The following ASAP1 variants were observed in gnomAD, a reference collection of about 807,000 sequenced individuals.
The protein encoded by ASAP1 is ArfGAP with SH3 domain, ankyrin repeat and PH domain 1.
ASAP1 carries 43 observed loss-of-function variants against 145.2 expected under a neutral mutation model. That is an observed-to-expected ratio of 0.30 (90% CI 0.23 to 0.38). ASAP1 has a LOEUF of 0.38. Ranked by LOEUF, ASAP1 falls within the 10% of genes least tolerant of loss-of-function variation. ASAP1 has a pLI of 1.00. For synonymous variants in ASAP1, 546 were observed against 515.5 expected (o/e 1.06, Z -0.80); for missense variants, 1,018 against 1,355.3 (o/e 0.75, Z 3.91).
At chr8:130,363,355 A>G (rs1284087242) in intron 2 of ASAP1, among the ~76,000 whole-genome samples, 2 of 151,344 alleles carry the variant, frequency 1.3e-5, no homozygotes, top group South Asian at 4.3e-4. Context: ...GCGAGACTGC[A>G]TCTCATTTTT....
chr8:130,443,013 G>C (rs1431180100), intron 1 of ASAP1, among the ~76,000 whole-genome samples: 1 of 152,124 alleles, frequency 6.6e-6, no homozygotes, highest in Non-Finnish European at 1.5e-5. Flanking sequence ...CGCCGGGTCC[G>C]GGTAGGGGCC....
At position 130,180,675 on chromosome 8, in the gene ASAP1, A is replaced by G. The variant is rs183864443; in HGVS notation, c.660+76T>C. The G allele has an allele frequency of 6.0e-5, 90 of 1,504,118 alleles. No homozygotes were observed. In the African/African-American group the frequency reaches 1.1e-3, roughly 19 times the overall value. 93.2% of individuals were successfully genotyped at this position (1,504,118 alleles called of 1,614,324 possible). On this transcript the variant is annotated intron_variant, in intron 8 of 29. Transcript: ENST00000518721. ...AATCAAACAGAGTCTGCCTTTAAGC[A>G]TAAAGACTGCTGACTAGCAGGAAAA...
intron 2 of ASAP1, among the ~76,000 whole-genome samples, chr8:130,370,660 GAACA>G (rs1200724552): frequency 2.0e-5 from 3 of 152,274 alleles, no homozygotes; most frequent in East Asian, 3.9e-4. Flanking sequence ...AAACGTTCAT[GAACA>G]AACAAATGGA....
At chr8:130,144,446 T>A (rs1451620469) in intron 13 of ASAP1, among the ~76,000 whole-genome samples, 1 of 152,232 alleles carries the variant, frequency 6.6e-6, no homozygotes, top group African/African-American at 2.4e-5. Context: ...AACTAACCTA[T>A]GTTTTACAAA....
chr8:130,091,946 T>C (rs775761377), intron 25 of ASAP1, 27 bp downstream of exon 25: 1 of 1,503,852 alleles, frequency 6.6e-7, no homozygotes, highest in Non-Finnish European at 8.8e-7. Context: ...CCCCAGCAGC[T>C]TTGGCCCTGA....
At chr8:130,187,186 C>A in intron 7 of ASAP1, 50 bp downstream of exon 7, 1 of 1,485,666 alleles carries the variant, frequency 6.7e-7, no homozygotes, top group Non-Finnish European at 9.2e-7. Context: ...GTCCAAAATT[C>A]ACAACAATAT....
intron 11 of ASAP1, chr8:130,160,834 G>C (rs1346959272): frequency 1.6e-6 from 2 of 1,266,966 alleles, no homozygotes; most frequent in Non-Finnish European, 2.1e-6. Flanking sequence ...AAAAAAGGCA[G>C]AACATTTGAA....
At chr8:130,149,319 C>T (rs572959818) in intron 13 of ASAP1, among the ~76,000 whole-genome samples, 121 of 150,482 alleles carry the variant, frequency 8.0e-4, no homozygotes, top group African/African-American at 2.7e-3. Context: ...GAATTTGGTT[C>T]CCACAATTCT....
intron 1 of ASAP1, among the ~76,000 whole-genome samples, chr8:130,431,070 T>C (rs879745513): frequency 9.9e-5 from 15 of 152,158 alleles, no homozygotes; most frequent in Admixed American, 1.3e-4. Context: ...TTTTGAGACA[T>C]AGACATGACT....
chr8:130,250,700 T>C (rs1819139353), intron 3 of ASAP1, among the ~76,000 whole-genome samples: 1 of 151,962 alleles, frequency 6.6e-6, no homozygotes, highest in African/African-American at 2.4e-5. Context: ...GGCTATACAT[T>C]TGCATAAAGA....
intron 15 of ASAP1, 69 bp downstream of exon 15, chr8:130,134,227 A>G: frequency 8.3e-7 from 1 of 1,201,394 alleles, no homozygotes; most frequent in Admixed American, 2.5e-5. Flanking sequence ...GAAAATGTTG[A>G]TGTGTATTGT....
chr8:130,428,891 T>C (rs1210505806), intron 1 of ASAP1, among the ~76,000 whole-genome samples: 1 of 152,172 alleles, frequency 6.6e-6, no homozygotes, highest in East Asian at 1.9e-4. Flanking sequence ...AGAACAGAAA[T>C]TTATTCTCTC....
intron 13 of ASAP1, among the ~76,000 whole-genome samples, chr8:130,140,449 C>T (rs1358098233): frequency 6.6e-6 from 1 of 151,468 alleles, no homozygotes; most frequent in African/African-American, 2.4e-5. Flanking sequence ...GTTTGTTGTA[C>T]GTATTATTTT....
intron 2 of ASAP1, among the ~76,000 whole-genome samples, chr8:130,387,258 G>A (rs535260634): frequency 1.3e-3 from 204 of 152,286 alleles, no homozygotes; most frequent in African/African-American, 4.6e-3. Context: ...CAGGTCCGGC[G>A]AAAGTGGTGG....
chr8:130,139,367 G>T lies in ASAP1; in HGVS notation c.1081-2329C>A, dbSNP rs183323519. ...AGGAAGAACTTCCCAAGCTTAAGTT[G>T]ATTATGCATAATAAGAGGTTTCAGG... On this transcript the variant is annotated intron_variant, in intron 13 of 29. Coordinates refer to ENST00000518721, the MANE Select transcript of ASAP1 (RefSeq NM_018482.4). Among the ~76,000 whole-genome samples, 743 of 152,312 alleles carry T rather than the reference G, an allele frequency of 4.9e-3. 4 individuals carry two copies. The highest frequency in any genetic ancestry group is 0.012 in the South Asian group (56 of 4,824).
chr8:130,057,380 G>A (rs944197255), intron 29 of ASAP1, among the ~76,000 whole-genome samples: 4 of 152,174 alleles, frequency 2.6e-5, no homozygotes, highest in Non-Finnish European at 5.9e-5. Flanking sequence ...CAACTCACAA[G>A]GTTACATGAT....
At chr8:130,419,730 G>A (rs1829637666) in intron 1 of ASAP1, among the ~76,000 whole-genome samples, 1 of 152,086 alleles carries the variant, frequency 6.6e-6, no homozygotes, top group South Asian at 2.1e-4. Context: ...GGAGGCTGAG[G>A]CATCCGATCT....
At chr8:130,104,465 G>GC (rs1189766630) in intron 24 of ASAP1, among the ~76,000 whole-genome samples, 1 of 152,130 alleles carries the variant, frequency 6.6e-6, no homozygotes, top group African/African-American at 2.4e-5. Flanking sequence ...CTCTGCCTTT[G>GC]CAACTCTTTT....
At chr8:130,208,881 T>C (rs906222338) in intron 5 of ASAP1, 1 of 152,030 alleles carries the variant, frequency 6.6e-6, no homozygotes, top group Non-Finnish European at 1.5e-5. Flanking sequence ...ATCTAGCAAA[T>C]TCAAAATTGC....
Sources: gnomAD v4.1 joint callset for allele counts (sites outside exome capture counted in the v4.1 genomes callset) on GRCh38, gnomAD v4.1.1 for gene constraint, MANE v1.5 for transcripts, NCBI Gene and HGNC (gene_info 2026-07-23, HGNC 2026-07-21) for gene names.